Variants in HUNK observed in about 807,000 individuals in gnomAD.
HUNK encodes hormonally up-regulated neu tumor-associated kinase.
HUNK carries 21 observed loss-of-function variants against 61.0 expected under a neutral mutation model. The observed-to-expected ratio is 0.34, with a 90% CI of 0.24 to 0.50. HUNK has a LOEUF of 0.50. HUNK is among the 20% of genes least tolerant of loss of function. The probability of loss-of-function intolerance (pLI) is 0.98; values close to 1 mark genes in which losing one functional copy is unlikely to be tolerated. For synonymous variants in HUNK, 371 were observed against 386.1 expected (o/e 0.96, Z 0.46); for missense variants, 772 against 945.7 (o/e 0.82, Z 2.41).
At chr21:31,966,043 T>G (rs1159108821) in intron 5 of HUNK, among the ~76,000 whole-genome samples, 3 of 152,190 alleles carry the variant, frequency 2.0e-5, no homozygotes, top group African/African-American at 7.2e-5. Context: ...ATGTGTAGTC[T>G]ATTATCCCCT....
chr21:31,885,126 A>G (rs1018117506), intron 1 of HUNK, among the ~76,000 whole-genome samples: 1 of 152,154 alleles, frequency 6.6e-6, no homozygotes, highest in African/African-American at 2.4e-5. Context: ...TTATGGTACT[A>G]TGTTACACCA....
intron 1 of HUNK, among the ~76,000 whole-genome samples, chr21:31,894,911 C>T (rs1032552919): frequency 6.6e-6 from 1 of 152,152 alleles, no homozygotes; most frequent in Admixed American, 6.5e-5. Context: ...CTGATCTGCA[C>T]CCAGTAGTTA....
At chr21:31,984,410 G>GA (rs1296039912) in intron 8 of HUNK, among the ~76,000 whole-genome samples, 2 of 152,062 alleles carry the variant, frequency 1.3e-5, no homozygotes, top group Non-Finnish European at 2.9e-5. Context: ...GCAAATGCTA[G>GA]AAAAAAATGA....
chr21:31,962,174 A>C (rs2052933590), intron 5 of HUNK, among the ~76,000 whole-genome samples: 1 of 152,232 alleles, frequency 6.6e-6, no homozygotes, highest in South Asian at 2.1e-4. Context: ...AAAACATGGC[A>C]TGCGGCTTCA....
At chr21:31,965,665 G>A (rs1292261398) in intron 5 of HUNK, among the ~76,000 whole-genome samples, 2 of 146,800 alleles carry the variant, frequency 1.4e-5, no homozygotes, top group African/African-American at 5.1e-5. Context: ...GCAATGGCGT[G>A]ATCTCAGCTC....
At chr21:31,900,446 A>AACACACACACAC (rs3138690) in intron 1 of HUNK, among the ~76,000 whole-genome samples, 17,405 of 142,924 alleles carry the variant, frequency 0.12, 1,361 homozygotes, top group East Asian at 0.33. Flanking sequence ...TAGTTACTGA[A>AACACACACACAC]ACACACACAC....
intron 2 of HUNK, among the ~76,000 whole-genome samples, chr21:31,931,407 C>T (rs2052695810): frequency 6.6e-6 from 1 of 152,172 alleles, no homozygotes; most frequent in Non-Finnish European, 1.5e-5. Flanking sequence ...TCCTCACCTC[C>T]AGCCTCTCAC....
chr21:31,881,354 T>G (rs1273615520), intron 1 of HUNK, among the ~76,000 whole-genome samples: 1 of 152,198 alleles, frequency 6.6e-6, no homozygotes, highest in East Asian at 1.9e-4. Flanking sequence ...TGGCCAGGCG[T>G]GGTGGCTCAC....
intron 9 of HUNK, among the ~76,000 whole-genome samples, chr21:31,993,620 C>T (rs570879690): frequency 4.6e-5 from 7 of 152,198 alleles, no homozygotes; most frequent in South Asian, 4.2e-4. Context: ...TCAGGAAAGC[C>T]GGTAACATTG....
intron 7 of HUNK, 29 bp downstream of exon 7, chr21:31,974,746 C>T (rs1209492765): frequency 6.4e-7 from 1 of 1,561,006 alleles, no homozygotes; most frequent in Admixed American, 2.0e-5. Context: ...GCGATCGTCT[C>T]TGCTGTCTGT....
intron 1 of HUNK, among the ~76,000 whole-genome samples, chr21:31,896,381 G>C (rs114142392): frequency 0.022 from 3,306 of 152,246 alleles, 132 homozygotes; most frequent in African/African-American, 0.076. Flanking sequence ...TTTCCTCTGG[G>C]AAGGAACCTG....
intron 7 of HUNK, among the ~76,000 whole-genome samples, 200 bp downstream of exon 7, chr21:31,974,917 T>C (rs2053038100): frequency 6.6e-6 from 1 of 152,034 alleles, no homozygotes; most frequent in African/African-American, 2.4e-5. Flanking sequence ...GTTTTTCAAA[T>C]ACTCTCCCAC....
intron 1 of HUNK, among the ~76,000 whole-genome samples, chr21:31,900,415 A>C (rs2052456475): frequency 6.7e-6 from 1 of 148,520 alleles, no homozygotes; most frequent in Admixed American, 6.8e-5. Flanking sequence ...TTGCAGGATT[A>C]TTTAGGCTAG....
intron 1 of HUNK, among the ~76,000 whole-genome samples, chr21:31,900,827 A>G (rs1167960397): frequency 6.6e-6 from 1 of 152,200 alleles, no homozygotes; most frequent in Non-Finnish European, 1.5e-5. Context: ...GCCCTTGAGT[A>G]CTGCATTCGT....
At chr21:31,905,556 A>C (rs575850531) in intron 1 of HUNK, among the ~76,000 whole-genome samples, 107 of 152,102 alleles carry the variant, frequency 7.0e-4, no homozygotes, top group Non-Finnish European at 1.2e-3. Flanking sequence ...CCCACCTCCC[A>C]CTGAGCTCCC....
At chr21:31,905,611 C>T (rs1467092390) in intron 1 of HUNK, among the ~76,000 whole-genome samples, 1 of 152,196 alleles carries the variant, frequency 6.6e-6, no homozygotes, top group Admixed American at 6.5e-5. Flanking sequence ...GAGCCATTAT[C>T]TGCTGTCAGT....
intron 1 of HUNK, among the ~76,000 whole-genome samples, chr21:31,884,146 T>C (rs972905332): frequency 6.6e-6 from 1 of 152,146 alleles, no homozygotes; most frequent in African/African-American, 2.4e-5. Context: ...GATCAGAATG[T>C]TTGTGTCCCC....
Position 31,999,280 on chromosome 21 carries a change from G to A in HUNK, c.*96G>A. ...TGTGAGCACTCCAAGGCCTCGCGTG[G>A]AGCATCCTTAGTCCCACCTGTAGCT... On this transcript the variant is annotated 3_prime_UTR_variant, in exon 11 of 11. Transcript: ENST00000270112. 1 of 1,152,740 alleles carries A rather than the reference G, an allele frequency of 8.7e-7. No homozygotes were observed. Among genetic ancestry groups the A allele is most frequent in the Non-Finnish European group, 1.2e-6 (1 of 806,346 alleles). 71.4% of individuals were successfully genotyped at this position (1,152,740 alleles called of 1,614,324 possible).
At chr21:31,927,410 G>GAGGC (rs2052668768) in intron 2 of HUNK, among the ~76,000 whole-genome samples, 1 of 152,008 alleles carries the variant, frequency 6.6e-6, no homozygotes, top group South Asian at 2.1e-4. Flanking sequence ...TTGGGAGGCT[G>GAGGC]AGGCAGGCAG....
Sources: allele counts gnomAD v4.1 joint callset (sites outside exome capture counted in the v4.1 genomes callset), GRCh38; gene constraint gnomAD v4.1.1; transcripts MANE v1.5; gene names NCBI Gene and HGNC (gene_info 2026-07-23, HGNC 2026-07-21).